Variants in GSTO2 observed in about 807,000 individuals in gnomAD.
GSTO2 encodes the protein glutathione S-transferase omega 2.
In GSTO2, 23 loss-of-function variants were observed where a neutral mutation model predicts 28.4. That is an observed-to-expected ratio of 0.81 (90% CI 0.58 to 1.15). The LOEUF (loss-of-function observed/expected upper bound fraction) is 1.15, where lower values mean the gene tolerates loss of function less well. Ranked by LOEUF, GSTO2 falls within the 50% of genes most tolerant of loss-of-function variation. GSTO2 has a pLI of 0.00. For missense variants in GSTO2, 298 were observed against 297.8 expected, an observed-to-expected ratio of 1.00 and a Z score of 0.00; for synonymous variants, 109 against 111.0, an observed-to-expected ratio of 0.98 and a Z score of 0.11.
rs117638110 is a variant in GSTO2, at chr10:104,294,594, A to G, written c.469-2984A>G. Reference sequence around the variant, plus strand: ...ATGGGGCTCAATAATCTGCAGCTGTATTAGGAAATGCAAGTAGTTTTGATG... The same window carrying G: ...ATGGGGCTCAATAATCTGCAGCTGTGTTAGGAAATGCAAGTAGTTTTGATG... On this transcript the variant is annotated intron_variant, in intron 5 of 6. Coordinates refer to ENST00000338595, the MANE Select transcript of GSTO2 (RefSeq NM_183239.2). Among the ~76,000 whole-genome samples, 850 of 152,344 alleles carry G rather than the reference A, an allele frequency of 5.6e-3. 5 individuals are homozygous for G. Among genetic ancestry groups the G allele is most frequent in the Non-Finnish European group, 8.5e-3 (581 of 68,028 alleles).
intron 1 of GSTO2, 108 bp from the exon 2 acceptor site, chr10:104,274,577 C>G: frequency 2.4e-6 from 1 of 423,500 alleles, no homozygotes; most frequent in Admixed American, 4.4e-5. Flanking sequence ...AATGCCCATT[C>G]TTGAGGGATT....
chr10:104,290,364 G>A (rs374980976), intron 5 of GSTO2, among the ~76,000 whole-genome samples: 1 of 152,130 alleles, frequency 6.6e-6, no homozygotes, highest in African/African-American at 2.4e-5. Flanking sequence ...AAATTAGCTG[G>A]CATGGTAGTG....
At chr10:104,297,955 C>G (rs572463139) in intron 6 of GSTO2, among the ~76,000 whole-genome samples, 3 of 152,206 alleles carry the variant, frequency 2.0e-5, no homozygotes, top group Non-Finnish European at 2.9e-5. Flanking sequence ...CCAGCGCCCC[C>G]ACATGGCCGG....
At chr10:104,277,866 C>T (rs1254715730) in intron 3 of GSTO2, 28 bp from the exon 4 acceptor site, 1 of 1,504,100 alleles carries the variant, frequency 6.6e-7, no homozygotes, top group South Asian at 1.1e-5. Context: ...CATTTTTGTT[C>T]TGTCTTGTTT....
chr10:104,290,802 A>G (rs533518923), intron 5 of GSTO2, among the ~76,000 whole-genome samples: 82 of 152,036 alleles, frequency 5.4e-4, no homozygotes, highest in South Asian at 2.3e-3. Context: ...AAAAAACAGA[A>G]AGAATGAATA....
intron 1 of GSTO2, among the ~76,000 whole-genome samples, chr10:104,272,758 C>T (rs7913564): frequency 0.074 from 11,190 of 151,522 alleles, 1,373 homozygotes; most frequent in African/African-American, 0.26. Flanking sequence ...GGACTACAGG[C>T]GCCTGCCACC....
chr10:104,272,605 TTTTTTTTTTTTTTTTTTTTTTTTTTTG>T, intron 1 of GSTO2, among the ~76,000 whole-genome samples: 1 of 37,858 alleles, frequency 2.6e-5, no homozygotes, highest in Non-Finnish European at 5.0e-5. Flanking sequence ...TTTTTTTTTT[TTTTTTTTTTTTTTTTTTTTTTTTTTTG>T]AGACGGAGTC....
At chr10:104,291,937 A>G (rs907175256) in intron 5 of GSTO2, among the ~76,000 whole-genome samples, 5 of 152,220 alleles carry the variant, frequency 3.3e-5, no homozygotes, top group Non-Finnish European at 5.9e-5. Context: ...CTATTGTACT[A>G]AAGTCTCCAA....
At chr10:104,277,237 A>G (rs2135096356) in intron 3 of GSTO2, among the ~76,000 whole-genome samples, 1 of 151,806 alleles carries the variant, frequency 6.6e-6, no homozygotes, top group Non-Finnish European at 1.5e-5. Flanking sequence ...CTCTAATGCC[A>G]TGGTTAAGTG....
Position 104,278,048 on chromosome 10 carries a change from A to T in GSTO2, c.298A>T (p.Arg100Trp). 6.2e-7 allele frequency: 1 copy of T among 1,614,230 alleles called. No homozygotes were observed. The highest frequency in any genetic ancestry group is 8.5e-7 in the Non-Finnish European group (1 of 1,180,030). The change falls in exon 4 of 7, where the codon AGG (arginine) becomes TGG (tryptophan). Residue 100 changes from arginine to tryptophan, a missense_variant. Transcript: ENST00000338595. ...GTACCTGGATGATGCTTATCCAGGA[A>T]GGAAGCTGTTTCCATATGACCCTTA... Reference protein sequence around the residue: ...CEYLDDAYPGRKLFPYDPYER... With the variant: ...CEYLDDAYPGWKLFPYDPYER...
intron 5 of GSTO2, chr10:104,291,284 C>T (rs1432480980): frequency 6.6e-6 from 1 of 152,222 alleles, no homozygotes; most frequent in East Asian, 1.9e-4. Flanking sequence ...TGGGAGCCAC[C>T]ACACTGTTTC....
intron 5 of GSTO2, among the ~76,000 whole-genome samples, chr10:104,294,112 A>G (rs770173338): frequency 1.0e-3 from 152 of 152,178 alleles, no homozygotes; most frequent in Non-Finnish European, 1.5e-3. Flanking sequence ...CCAGGACGTG[A>G]TATCTTGATA....
At position 104,275,281 on chromosome 10, in the gene GSTO2, G is replaced by A. The variant is rs773049534; in HGVS notation, c.90G>A (p.Arg30=). 1 of 1,614,086 alleles carries A rather than the reference G, an allele frequency of 6.2e-7. No individual in the cohort carries two copies. Among genetic ancestry groups the A allele is most frequent in the Non-Finnish European group, 8.5e-7 (1 of 1,180,022 alleles). ...PEGLIRIYSM[R]FCPYSHRTRL... ...GGCTGATCCGCATCTACAGCATGAG[G>A]TTCTGCCCCTATTCTCACAGGACCC... is the stretch of plus-strand genomic sequence containing the variant. The change falls in exon 3 of 7, where the codon AGG becomes AGA. Residue 30 remains arginine (R), a synonymous_variant. Coordinates refer to ENST00000338595, the MANE Select transcript of GSTO2 (RefSeq NM_183239.2).
At chr10:104,272,908 G>C (rs2011485677) in intron 1 of GSTO2, among the ~76,000 whole-genome samples, 1 of 152,050 alleles carries the variant, frequency 6.6e-6, no homozygotes, top group Non-Finnish European at 1.5e-5. Flanking sequence ...CACCGCACCC[G>C]GCCCAGTTAT....
intron 5 of GSTO2, among the ~76,000 whole-genome samples, chr10:104,285,110 T>A (rs921535424): frequency 6.6e-5 from 10 of 152,150 alleles, no homozygotes; most frequent in African/African-American, 2.4e-4. Flanking sequence ...CCACGCAGAG[T>A]TTCCCGCATT....
intron 5 of GSTO2, among the ~76,000 whole-genome samples, chr10:104,286,153 T>G (rs893934133): frequency 1.3e-5 from 2 of 152,222 alleles, no homozygotes; most frequent in Admixed American, 6.5e-5. Context: ...TCACTGGCTT[T>G]TAGTATATTA....
chr10:104,275,405 T>C (rs1279398692), intron 3 of GSTO2, 71 bp downstream of exon 3: 2 of 1,397,524 alleles, frequency 1.4e-6, no homozygotes, highest in African/African-American at 1.4e-5. Context: ...GTTTAACATC[T>C]GGGGCGCCCT....
At chr10:104,296,837 T>A (rs753211643) in intron 5 of GSTO2, 1 of 152,212 alleles carries the variant, frequency 6.6e-6, no homozygotes, top group East Asian at 1.9e-4. Flanking sequence ...TGGAGTGCAA[T>A]GGCACAATCT....
In GSTO2 at chr10:104,299,344, C is replaced by T. The variant is rs543547421; in HGVS notation, c.*60C>T. The T allele has an allele frequency of 1.9e-5, 30 of 1,578,240 alleles. No individual in the cohort carries two copies. Among genetic ancestry groups the T allele is most frequent in the African/African-American group, 1.6e-4 (12 of 73,262 alleles). On this transcript the variant is annotated 3_prime_UTR_variant, in exon 7 of 7. Coordinates refer to ENST00000338595, the MANE Select transcript of GSTO2 (RefSeq NM_183239.2). ...CCCAGCTTGTTGGGAGTCTACGTCACGGCTTGTCTTGGGAACCAATCCGTC... is the reference window on the plus strand; with the variant it reads ...CCCAGCTTGTTGGGAGTCTACGTCATGGCTTGTCTTGGGAACCAATCCGTC...
Sources: allele counts gnomAD v4.1 joint callset (sites outside exome capture counted in the v4.1 genomes callset), GRCh38; gene constraint gnomAD v4.1.1; transcripts MANE v1.5; gene names NCBI Gene and HGNC (gene_info 2026-07-23, HGNC 2026-07-21).